NHSL1: variants seen among roughly 807,000 people sequenced by gnomAD.
NHSL1 encodes the protein NHS-like protein 1.
In NHSL1, 48 loss-of-function variants were observed where a neutral mutation model predicts 95.0. The observed-to-expected ratio is 0.51, with a 90% CI of 0.40 to 0.64. The LOEUF (loss-of-function observed/expected upper bound fraction) is 0.64. NHSL1 is among the 30% of genes least tolerant of loss of function. The probability of loss-of-function intolerance (pLI) is 0.00; values close to 1 mark genes in which losing one functional copy is unlikely to be tolerated. For missense variants in NHSL1, 1,971 were observed against 2,077.7 expected (o/e 0.95, Z 1.00); for synonymous variants, 783 against 833.9 (o/e 0.94, Z 1.05).
intron 1 of NHSL1, among the ~76,000 whole-genome samples, chr6:138,532,982 C>T (rs1391138976): frequency 2.6e-5 from 4 of 152,120 alleles, no homozygotes; most frequent in African/African-American, 9.7e-5. Context: ...GAATGAAGTC[C>T]TTACGGTAGC....
chr6:138,660,652 G>T (rs28570021), intron 1 of NHSL1, among the ~76,000 whole-genome samples: 3 of 146,290 alleles, frequency 2.1e-5, no homozygotes, highest in African/African-American at 7.5e-5. Flanking sequence ...AAAAAAAAAA[G>T]AAAAAAAAAA....
At chr6:138,549,039 G>A (rs1782907675), upstream of NHSL1, among the ~76,000 whole-genome samples, 1 of 151,902 alleles carries the variant, frequency 6.6e-6, no homozygotes, top group Admixed American at 6.6e-5. Context: ...ATCAAGATGA[G>A]ATGATACTGC....
chr6:138,447,221 C>T (rs1223893645), intron 3 of NHSL1, 28 bp from the exon 4 acceptor site: 1 of 1,527,610 alleles, frequency 6.5e-7, no homozygotes, highest in Non-Finnish European at 8.9e-7. Context: ...GCAGCAGCCA[C>T]AGTGTATAAA....
At chr6:138,573,279 C>T (rs1332788867), upstream of NHSL1, among the ~76,000 whole-genome samples, 1 of 152,130 alleles carries the variant, frequency 6.6e-6, no homozygotes, top group South Asian at 2.1e-4. Context: ...TACAATTCCA[C>T]GGTCCTAGGG....
chr6:138,596,757 C>T (rs886967322), intron 1 of NHSL1, among the ~76,000 whole-genome samples: 2 of 151,458 alleles, frequency 1.3e-5, no homozygotes, highest in Non-Finnish European at 2.9e-5. Context: ...CACCCACATT[C>T]AATTGGCGGG....
intron 2 of NHSL1, among the ~76,000 whole-genome samples, chr6:138,491,480 G>T (rs7741143): frequency 0.92 from 140,291 of 152,204 alleles, 65,247 homozygotes; most frequent in Middle Eastern, 0.98. Context: ...GTTGTAGCCC[G>T]TTCCATAAAG....
At chr6:138,612,528 A>G (rs983057746) in intron 1 of NHSL1, among the ~76,000 whole-genome samples, 2 of 152,244 alleles carry the variant, frequency 1.3e-5, no homozygotes, top group African/African-American at 4.8e-5. Flanking sequence ...TTTTAAAGAT[A>G]ATTTCCATGG....
At chr6:138,496,620 T>G (rs1780369864) in intron 1 of NHSL1, among the ~76,000 whole-genome samples, 2 of 152,240 alleles carry the variant, frequency 1.3e-5, no homozygotes, top group Non-Finnish European at 2.9e-5. Flanking sequence ...CTCAGTTAAC[T>G]GCTTCCCAGC....
At chr6:138,566,070 C>A (rs1300714078) in intron 1 of NHSL1, among the ~76,000 whole-genome samples, 1 of 151,924 alleles carries the variant, frequency 6.6e-6, no homozygotes, top group African/African-American at 2.4e-5. Context: ...AAAATTAACC[C>A]TAGATAACAT....
intron 1 of NHSL1, among the ~76,000 whole-genome samples, chr6:138,653,989 AT>A (rs1170517670): frequency 6.6e-6 from 1 of 152,170 alleles, no homozygotes; most frequent in Non-Finnish European, 1.5e-5. Flanking sequence ...GCAAATACCA[AT>A]TCATAGTTCT....
At chr6:138,429,890 T>G in intron 6 of NHSL1, 47 bp from the exon 7 acceptor site, 1 of 1,525,768 alleles carries the variant, frequency 6.6e-7, no homozygotes, top group Non-Finnish European at 8.8e-7. Flanking sequence ...TGACTGGAAT[T>G]TCAGTCCTCA....
chr6:138,647,818 A>C (rs1785039558), intron 1 of NHSL1, among the ~76,000 whole-genome samples: 1 of 152,066 alleles, frequency 6.6e-6, no homozygotes, highest in Non-Finnish European at 1.5e-5. Context: ...GGCTGGTCTC[A>C]AACTCCTGAC....
chr6:138,587,787 G>C (rs1784160344), intron 1 of NHSL1, among the ~76,000 whole-genome samples: 2 of 152,234 alleles, frequency 1.3e-5, no homozygotes, highest in African/African-American at 4.8e-5. Context: ...GCCAAGGTCA[G>C]TGGGTCTCTG....
rs376426234 is a variant in NHSL1 at position 138,433,357 on chromosome 6, C to T, written c.988G>A (p.Ala330Thr). The change falls in exon 6 of 8, where the codon GCA becomes ACA. Residue 330 changes from alanine (A) to threonine (T), a missense_variant. By Grantham distance (58) the Ala-to-Thr change is moderately conservative. Transcript: ENST00000343505. ...AGFHSLPRSG[A>T]RANIQSLEPR... ...TCAAGGGACTGAATGTTTGCCCTTGCTCCAGAACGCGGAAGACTATGGAAG... is the reference window on the plus strand; with the variant it reads ...TCAAGGGACTGAATGTTTGCCCTTGTTCCAGAACGCGGAAGACTATGGAAG... The T allele has an allele frequency of 1.2e-5, 18 of 1,552,060 alleles. No individual in the cohort carries two copies. The African/African-American group carries it at 2.5e-4, about 21-fold the overall frequency.
At chr6:138,523,696 G>C (rs1322463365) in intron 1 of NHSL1, among the ~76,000 whole-genome samples, 1 of 148,954 alleles carries the variant, frequency 6.7e-6, no homozygotes, top group Non-Finnish European at 1.5e-5. Flanking sequence ...GACTGACACA[G>C]GGGAATTCTT....
At chr6:138,525,745 T>C (rs1781878120) in intron 1 of NHSL1, among the ~76,000 whole-genome samples, 1 of 151,954 alleles carries the variant, frequency 6.6e-6, no homozygotes, top group African/African-American at 2.4e-5. Flanking sequence ...AACTTAAGTG[T>C]TGGAGAAATA....
chr6:138,456,506 A>C (rs936552482), intron 3 of NHSL1, among the ~76,000 whole-genome samples: 2 of 152,240 alleles, frequency 1.3e-5, no homozygotes, highest in Admixed American at 6.5e-5. Flanking sequence ...CGACTATTAA[A>C]GCCAACTGTT....
At chr6:138,493,362 C>G (rs1780179669) in intron 2 of NHSL1, among the ~76,000 whole-genome samples, 1 of 152,138 alleles carries the variant, frequency 6.6e-6, no homozygotes, top group African/African-American at 2.4e-5. Context: ...CAAGTTTAGG[C>G]AAAACCAGTG....
At chr6:138,576,988 G>C (rs1374953389), upstream of NHSL1, among the ~76,000 whole-genome samples, 1 of 152,192 alleles carries the variant, frequency 6.6e-6, no homozygotes, top group Non-Finnish European at 1.5e-5. Context: ...TAAATTACTA[G>C]AGGAAGTTCT....
Sources: gnomAD v4.1 joint callset for allele counts (sites outside exome capture counted in the v4.1 genomes callset) on GRCh38, gnomAD v4.1.1 for gene constraint, MANE v1.5 for transcripts, NCBI Gene and HGNC (gene_info 2026-07-23, HGNC 2026-07-21) for gene names.